The following CADPS variants were observed in gnomAD, a reference collection of about 807,000 sequenced individuals.
The protein encoded by CADPS is calcium dependent secretion activator, also known as calcium-dependent secretion activator 1.
In CADPS, 57 loss-of-function variants were observed where a neutral mutation model predicts 167.3. That is an observed-to-expected ratio of 0.34 (90% CI 0.28 to 0.42). The LOEUF (loss-of-function observed/expected upper bound fraction) is 0.42. CADPS is among the 20% of genes least tolerant of loss of function. The pLI, the probability that CADPS is intolerant of heterozygous loss-of-function variation, is 1.00. For synonymous variants in CADPS, 676 were observed against 635.3 expected (o/e 1.06, Z -0.96); for missense variants, 1,414 against 1,738.1 (o/e 0.81, Z 3.32).
chr3:62,820,920 C>G (rs2094884780), intron 1 of CADPS, among the ~76,000 whole-genome samples: 1 of 151,930 alleles, frequency 6.6e-6, no homozygotes, highest in Admixed American at 6.6e-5. Flanking sequence ...CCTGCCTCAG[C>G]CTCCTGAGTA....
intron 28 of CADPS, among the ~76,000 whole-genome samples, chr3:62,423,847 T>A (rs2052008492): frequency 6.6e-6 from 1 of 152,184 alleles, no homozygotes; most frequent in African/African-American, 2.4e-5. Flanking sequence ...TTAAAAGAAA[T>A]AACACATTTA....
intron 13 of CADPS, among the ~76,000 whole-genome samples, chr3:62,523,952 G>T (rs904594214): frequency 1.3e-5 from 2 of 152,162 alleles, no homozygotes; most frequent in Admixed American, 6.5e-5. Context: ...TACTTGCTAC[G>T]AAATTGTTCC....
chr3:62,817,474 A>T (rs555373241), intron 1 of CADPS, among the ~76,000 whole-genome samples: 1 of 152,256 alleles, frequency 6.6e-6, no homozygotes, highest in South Asian at 2.1e-4. Context: ...AAAGGAAAAA[A>T]TCTACTGCAC....
chr3:62,773,517 CATGGTTTCCCA>C (rs2089473483), intron 1 of CADPS, among the ~76,000 whole-genome samples: 1 of 152,012 alleles, frequency 6.6e-6, no homozygotes, highest in South Asian at 2.1e-4. Context: ...CCCTTTGGAA[CATGGTTTCCCA>C]AAATTCAACT....
chr3:62,812,505 T>G (rs1228175643), intron 1 of CADPS, among the ~76,000 whole-genome samples: 3 of 152,152 alleles, frequency 2.0e-5, no homozygotes, highest in Admixed American at 2.0e-4. Context: ...CTATTTAGAA[T>G]CGGGGTAAAG....
chr3:62,467,360 C>A, intron 24 of CADPS: 5 of 1,112,782 alleles, frequency 4.5e-6, no homozygotes, highest in South Asian at 1.5e-5. Context: ...AGGAACAGTG[C>A]AAATACAAAT....
intron 3 of CADPS, among the ~76,000 whole-genome samples, chr3:62,741,835 T>A (rs1267287482): frequency 6.6e-6 from 1 of 152,170 alleles, no homozygotes; most frequent in Non-Finnish European, 1.5e-5. Context: ...AGTCAAACTA[T>A]CCCTGTTTGC....
At chr3:62,440,887 T>C (rs1002891349) in intron 27 of CADPS, 2 of 152,132 alleles carry the variant, frequency 1.3e-5, no homozygotes, top group African/African-American at 4.8e-5. Flanking sequence ...CTCCCCTATA[T>C]CTTGGGAGGC....
intron 6 of CADPS, among the ~76,000 whole-genome samples, chr3:62,608,942 A>G (rs114875992): frequency 6.4e-4 from 97 of 152,222 alleles, no homozygotes; most frequent in African/African-American, 2.3e-3. Flanking sequence ...AAGAGAGCAA[A>G]TATTTCTGCC....
rs985506271 is a variant in CADPS, at chr3:62,863,181, T to G, written c.441+11408A>C. Among the ~76,000 whole-genome samples the G allele has an allele frequency of 2.0e-5, 3 of 152,134 alleles. No homozygotes were observed. The East Asian group carries it at 5.8e-4, about 29-fold the overall frequency. On this transcript the variant is annotated intron_variant, in intron 1 of 29. Transcript: ENST00000383710. ...GAAAAAGAACAGTTATACATTGAAG[T>G]AAGGTGTGATGAATGCCTCAATGTA... is the stretch of plus-strand genomic sequence containing the variant.
At chr3:62,783,870 TG>T (rs2092083201) in intron 1 of CADPS, among the ~76,000 whole-genome samples, 1 of 151,874 alleles carries the variant, frequency 6.6e-6, no homozygotes, top group Non-Finnish European at 1.5e-5. Context: ...ATTATTTATC[TG>T]AGAGAAGGAG....
At chr3:62,786,029 G>A (rs979466001) in intron 1 of CADPS, among the ~76,000 whole-genome samples, 10 of 151,144 alleles carry the variant, frequency 6.6e-5, no homozygotes, top group Non-Finnish European at 1.0e-4. Context: ...ACTGGCCATC[G>A]TGGTGAAACC....
intron 29 of CADPS, among the ~76,000 whole-genome samples, chr3:62,401,760 C>T (rs1196530566): frequency 6.7e-6 from 1 of 149,506 alleles, no homozygotes; most frequent in Non-Finnish European, 1.5e-5. Context: ...TGGCAAAAGG[C>T]TAAGATTAAA....
intron 1 of CADPS, among the ~76,000 whole-genome samples, chr3:62,821,819 C>A (rs1047259348): frequency 1.3e-5 from 2 of 152,158 alleles, no homozygotes; most frequent in African/African-American, 4.8e-5. Flanking sequence ...AACAGTCTCC[C>A]AAGGCTGAAC....
chr3:62,526,484 T>C (rs951104091), intron 13 of CADPS, among the ~76,000 whole-genome samples: 2 of 152,188 alleles, frequency 1.3e-5, no homozygotes, highest in African/African-American at 2.4e-5. Flanking sequence ...CCAAGGAACA[T>C]TGACGCAACT....
intron 13 of CADPS, 135 bp from the exon 14 acceptor site, chr3:62,518,385 C>G (rs1377032206): frequency 1.6e-6 from 1 of 639,314 alleles, no homozygotes; most frequent in Non-Finnish European, 2.7e-6. Flanking sequence ...AGAAGCCCAG[C>G]TATTCAGGGC....
chr3:62,400,562 A>G lies in CADPS; in HGVS notation c.3883-977T>C, dbSNP rs72881275. Among the ~76,000 whole-genome samples, 809 of 149,882 alleles carry G rather than the reference A, an allele frequency of 5.4e-3. 9 individuals are homozygous for G. Among genetic ancestry groups the G allele is most frequent in the African/African-American group, 0.018 (715 of 40,728 alleles). ...GGGGCAAGACAAGGAATGCTAACAT[A>G]CGTCAACACCACTCCCATCATTCTT... is the stretch of plus-strand genomic sequence containing the variant. On this transcript the variant is annotated intron_variant, in intron 29 of 29. Transcript: ENST00000383710.
At chr3:62,508,506 T>C (rs2067099595) in intron 17 of CADPS, among the ~76,000 whole-genome samples, 1 of 152,220 alleles carries the variant, frequency 6.6e-6, no homozygotes, top group Non-Finnish European at 1.5e-5. Flanking sequence ...AACATGTTTC[T>C]ACTTCAGGAT....
intron 3 of CADPS, among the ~76,000 whole-genome samples, chr3:62,729,183 T>C (rs570067658): frequency 1.3e-5 from 2 of 151,990 alleles, no homozygotes; most frequent in East Asian, 1.9e-4. Flanking sequence ...TCAGTTTTCT[T>C]AGGACCCAAA....
Sources: allele counts gnomAD v4.1 joint callset (sites outside exome capture counted in the v4.1 genomes callset), GRCh38; gene constraint gnomAD v4.1.1; transcripts MANE v1.5; gene names NCBI Gene and HGNC (gene_info 2026-07-23, HGNC 2026-07-21).